CHRM3: variants seen among roughly 807,000 people sequenced by gnomAD.
CHRM3 encodes the protein muscarinic acetylcholine receptor M3.
Under a neutral mutation model 41.8 loss-of-function variants are expected in CHRM3, and 11 were observed. The observed-to-expected ratio is 0.26, with a 90% CI of 0.17 to 0.44. The LOEUF (loss-of-function observed/expected upper bound fraction) is 0.44. Among genes scored for constraint, CHRM3 ranks in the 20% least tolerant of loss-of-function variants. The pLI, the probability that CHRM3 is intolerant of heterozygous loss-of-function variation, is 1.00. For synonymous variants in CHRM3, 297 were observed against 301.4 expected, an observed-to-expected ratio of 0.99 and a Z score of 0.15; for missense variants, 571 against 745.4, an observed-to-expected ratio of 0.77 and a Z score of 2.72.
chr1:239,505,080 A>G (rs1668479228), intron 2 of CHRM3, among the ~76,000 whole-genome samples: 1 of 152,202 alleles, frequency 6.6e-6, no homozygotes, highest in African/African-American at 2.4e-5. Flanking sequence ...CAGTTTAATA[A>G]GAACTAAAAA....
chr1:239,437,245 C>A (rs997290118), intron 1 of CHRM3, among the ~76,000 whole-genome samples: 2 of 152,140 alleles, frequency 1.3e-5, no homozygotes, highest in Non-Finnish European at 2.9e-5. Flanking sequence ...TCCCAAGTAG[C>A]TAGGATTACA....
At chr1:239,635,497 C>G (rs1324992767) in intron 4 of CHRM3, among the ~76,000 whole-genome samples, 5 of 152,210 alleles carry the variant, frequency 3.3e-5, no homozygotes, top group Non-Finnish European at 5.9e-5. Context: ...TTGTTTACTA[C>G]TTGACCCTTC....
intron 5 of CHRM3, among the ~76,000 whole-genome samples, chr1:239,760,217 G>C (rs1666641364): frequency 6.6e-6 from 1 of 151,766 alleles, no homozygotes; most frequent in Admixed American, 6.6e-5. Context: ...GAGCCACCGT[G>C]CCCGGCCAAT....
intron 3 of CHRM3, among the ~76,000 whole-genome samples, chr1:239,565,910 C>CTTTT (rs796838831): frequency 8.5e-5 from 10 of 117,418 alleles, no homozygotes; most frequent in East Asian, 5.1e-4. Flanking sequence ...CATCTTTTTT[C>CTTTT]TTTTTTTTTT....
At chr1:239,637,710 CTT>C (rs112810831) in intron 4 of CHRM3, among the ~76,000 whole-genome samples, 1 of 109,550 alleles carries the variant, frequency 9.1e-6, no homozygotes. Context: ...TCACATTTTT[CTT>C]TTTTTTTTTT....
At chr1:239,569,756 G>T (rs994255221) in intron 3 of CHRM3, among the ~76,000 whole-genome samples, 1 of 152,116 alleles carries the variant, frequency 6.6e-6, no homozygotes, top group Non-Finnish European at 1.5e-5. Flanking sequence ...GAATTGGATG[G>T]CAAAGCTGGA....
intron 5 of CHRM3, among the ~76,000 whole-genome samples, chr1:239,685,648 C>A (rs1023146441): frequency 6.6e-6 from 1 of 152,022 alleles, no homozygotes; most frequent in African/African-American, 2.4e-5. Context: ...CATAGTGAAA[C>A]CCCATCTGTA....
At chr1:239,900,661 C>T (rs2103010244) in intron 6 of CHRM3, among the ~76,000 whole-genome samples, 1 of 151,918 alleles carries the variant, frequency 6.6e-6, no homozygotes, top group South Asian at 2.1e-4. Flanking sequence ...CCTGGGCTGT[C>T]GAGAAAAGAC....
chr1:239,609,110 A>T (rs2148734505), intron 3 of CHRM3, among the ~76,000 whole-genome samples: 1 of 152,326 alleles, frequency 6.6e-6, no homozygotes, highest in Non-Finnish European at 1.5e-5. Context: ...ATACATTGTC[A>T]TGTCTTTGCA....
At chr1:239,412,156 TA>T (rs1169952194) in intron 1 of CHRM3, among the ~76,000 whole-genome samples, 1 of 150,746 alleles carries the variant, frequency 6.6e-6, no homozygotes, top group Non-Finnish European at 1.5e-5. Context: ...CTTTTTGTAT[TA>T]TTTTTTGGTT....
chr1:239,423,841 G>A (rs965332056), intron 1 of CHRM3, among the ~76,000 whole-genome samples: 1 of 151,966 alleles, frequency 6.6e-6, no homozygotes, highest in Non-Finnish European at 1.5e-5. Context: ...GGATCACGAG[G>A]TCAGGAGATC....
In CHRM3 at chr1:239,908,684, G is replaced by A. The variant is rs1399103207; in HGVS notation, c.1233G>A (p.Gln411=). 6.2e-7 allele frequency: 1 copy of A among 1,612,994 alleles called. No individual in the cohort carries two copies. Among genetic ancestry groups the A allele is most frequent in the East Asian group, 2.2e-5 (1 of 44,804 alleles). ...LERKADKLQA[Q]KSVDDGGSFP... is the part of the protein sequence containing the mutation. ...GGAAAGCCGACAAGCTGCAGGCCCA[G>A]AAGAGCGTGGACGATGGAGGCAGTT... is the stretch of plus-strand genomic sequence containing the variant. The change falls in exon 7 of 7, where the codon CAG becomes CAA. Residue 411 remains glutamine (Q), a synonymous_variant. Coordinates refer to ENST00000676153, the MANE Select transcript of CHRM3 (RefSeq NM_001375978.1). This position sits in a 1 kb window ranked among gnomAD's most constrained non-coding sequence, Gnocchi z 7.2.
intron 2 of CHRM3, among the ~76,000 whole-genome samples, chr1:239,520,205 C>T (rs1669549095): frequency 1.3e-5 from 2 of 152,116 alleles, no homozygotes; most frequent in African/African-American, 4.8e-5. Context: ...AAGTTGAAAT[C>T]AGGAGTATGT....
intron 2 of CHRM3, among the ~76,000 whole-genome samples, chr1:239,528,862 C>T (rs1289675073): frequency 6.6e-6 from 1 of 152,192 alleles, no homozygotes; most frequent in Non-Finnish European, 1.5e-5. Context: ...CACTGTACTC[C>T]AGCCTGGGCA....
At chr1:239,486,123 A>G (rs1423737366) in intron 1 of CHRM3, among the ~76,000 whole-genome samples, 1 of 152,198 alleles carries the variant, frequency 6.6e-6, no homozygotes. Flanking sequence ...CCACGTCCCC[A>G]CACACAGGTT....
At position 239,908,972 on chromosome 1, in the gene CHRM3, C is replaced by T. The variant is rs1680194789; in HGVS notation, c.1521C>T (p.Tyr507=). ...LLAFIITWTP[Y]NIMVLVNTFC... is the part of the protein sequence containing the mutation. Reference sequence around the variant, plus strand: ...CCTTCATCATCACTTGGACCCCATACAACATCATGGTTCTGGTGAACACCT... The same window carrying T: ...CCTTCATCATCACTTGGACCCCATATAACATCATGGTTCTGGTGAACACCT... The change falls in exon 7 of 7, where the codon TAC becomes TAT. Residue 507 remains tyrosine, a synonymous_variant. Transcript: ENST00000676153. The surrounding 1 kb of genome is among the most constrained non-coding windows in gnomAD (Gnocchi z 7.2). 2.5e-6 allele frequency: 4 copies of T among 1,614,192 alleles called. No homozygotes were observed. In the African/African-American group the frequency reaches 5.3e-5, roughly 22 times the overall value.
At chr1:239,557,855 G>A (rs1280495771) in intron 3 of CHRM3, among the ~76,000 whole-genome samples, 3 of 152,158 alleles carry the variant, frequency 2.0e-5, no homozygotes, top group African/African-American at 2.4e-5. Flanking sequence ...TGGTGCATAT[G>A]TACCACATTT....
intron 4 of CHRM3, among the ~76,000 whole-genome samples, chr1:239,660,773 A>G (rs1284817512): frequency 1.3e-5 from 2 of 152,084 alleles, no homozygotes; most frequent in African/African-American, 2.4e-5. Context: ...AATTCCACCT[A>G]TTCTGAAGGC....
chr1:239,786,435 A>G (rs1394753363), intron 5 of CHRM3, among the ~76,000 whole-genome samples: 1 of 152,178 alleles, frequency 6.6e-6, no homozygotes, highest in Non-Finnish European at 1.5e-5. Context: ...TATGATTCCC[A>G]TCTTATAGAT....
Sources: gnomAD v4.1 joint callset for allele counts (sites outside exome capture counted in the v4.1 genomes callset) on GRCh38, gnomAD v4.1.1 for gene constraint, Gnocchi (gnomAD v3.1) non-coding constraint, MANE v1.5 for transcripts, NCBI Gene and HGNC (gene_info 2026-07-23, HGNC 2026-07-21) for gene names.